The following TOP1 variants were observed in gnomAD, a reference collection of about 807,000 sequenced individuals.
TOP1 encodes the protein DNA topoisomerase I, also known as DNA topoisomerase 1.
In TOP1, 10 loss-of-function variants were observed where a neutral mutation model predicts 111.1. That is an observed-to-expected ratio of 0.09 (90% CI 0.06 to 0.15). The LOEUF (loss-of-function observed/expected upper bound fraction) is 0.15. TOP1 is among the 10% of genes least tolerant of loss of function. TOP1 has a pLI of 1.00. For synonymous variants in TOP1, 271 were observed against 302.9 expected (o/e 0.89, Z 1.10); for missense variants, 474 against 926.7 (o/e 0.51, Z 6.34).
In TOP1 at chr20:41,083,867, G is replaced by C. The variant is rs1025201546; in HGVS notation, c.508-595G>C. ...TGATGCCCGTTTATTGTGTCACTGTGATCAGCTCATTTACATTCAGAGTTC... is the reference window on the plus strand; with the variant it reads ...TGATGCCCGTTTATTGTGTCACTGTCATCAGCTCATTTACATTCAGAGTTC... On this transcript the variant is annotated intron_variant, in intron 7 of 20. Transcript: ENST00000361337. The surrounding 1 kb of genome is among the most constrained non-coding windows in gnomAD (Gnocchi z 7.2). Among the ~76,000 whole-genome samples, 3 of 152,212 alleles carry C rather than the reference G, an allele frequency of 2.0e-5. No individual in the cohort carries two copies. Among genetic ancestry groups the C allele is most frequent in the South Asian group, 4.1e-4 (2 of 4,830 alleles).
At chr20:41,070,457 T>C (rs2145931670) in intron 3 of TOP1, among the ~76,000 whole-genome samples, 1 of 152,376 alleles carries the variant, frequency 6.6e-6, no homozygotes, top group East Asian at 1.9e-4. Flanking sequence ...ATGATGGACA[T>C]TAAGGAACCC....
At chr20:41,072,357 A>T (rs1416146200) in intron 3 of TOP1, 1 of 985,310 alleles carries the variant, frequency 1.0e-6, no homozygotes, top group Non-Finnish European at 1.2e-6. Flanking sequence ...CCATCATTTC[A>T]CTGTTAATGA....
At chr20:41,068,833 C>T (rs1427707451) in intron 3 of TOP1, among the ~76,000 whole-genome samples, 1 of 152,166 alleles carries the variant, frequency 6.6e-6, no homozygotes, top group African/African-American at 2.4e-5. Context: ...AATAGTAGAT[C>T]TCTTGTATAA....
chr20:41,040,111 A>G (rs2033242521), intron 2 of TOP1, among the ~76,000 whole-genome samples: 1 of 152,254 alleles, frequency 6.6e-6, no homozygotes, highest in Admixed American at 6.5e-5. Flanking sequence ...ATCTTAGAGA[A>G]TAAACTCTAC....
rs118017931 is a variant in TOP1 at position 41,054,510 on chromosome 20, C to A, written c.59-6884C>A. ...CGTGAGAATGGACTAATACAGATAC[C>A]TAGATACCCATTATTATCTTTTGTG... On this transcript the variant is annotated intron_variant, in intron 2 of 20. Coordinates refer to ENST00000361337, the MANE Select transcript of TOP1 (RefSeq NM_003286.4). 6.9e-3 allele frequency among the ~76,000 whole-genome samples: 1,055 copies of A among 152,258 alleles called. 12 individuals are homozygous for A. Among genetic ancestry groups the A allele is most frequent in the East Asian group, 0.022 (114 of 5,174 alleles).
rs1282202123 is a variant in TOP1, at chr20:41,101,177, A to C, written c.1164-32A>C. ...AAGGTGAAATTATTCCTCACATCTT[A>C]TTTCACTATCCTCGTGCTCTGTTAT... On this transcript the variant is annotated intron_variant, in intron 12 of 20. Transcript: ENST00000361337. The surrounding 1 kb of genome is among the most constrained non-coding windows in gnomAD (Gnocchi z 4.1). 4 of 1,612,188 alleles carry C rather than the reference A, an allele frequency of 2.5e-6. No individual in the cohort carries two copies. The highest frequency in any genetic ancestry group is 3.3e-5 in the Admixed American group (2 of 59,916).
Position 41,097,332 on chromosome 20 carries a change from C to T in TOP1, c.843C>T (p.Asp281=). ...TATTTAGGAAAAATTTCTTTAAAGA[C>T]TGGAGAAAGGTACTGTAGCCCATGT... ...KEIFRKNFFK[D]WRKEMTNEEK... is the part of the protein sequence containing the mutation. Residue 281 remains aspartate, a synonymous_variant, in exon 10 of 21, where the codon GAC becomes GAT. Coordinates refer to ENST00000361337, the MANE Select transcript of TOP1 (RefSeq NM_003286.4). The surrounding 1 kb of genome is among the most constrained non-coding windows in gnomAD (Gnocchi z 4.2). 1 of 1,613,490 alleles carries T rather than the reference C, an allele frequency of 6.2e-7. No individual in the cohort carries two copies. The highest frequency in any genetic ancestry group is 8.5e-7 in the Non-Finnish European group (1 of 1,179,684).
chr20:41,085,683 G>A (rs1468303964), intron 8 of TOP1, among the ~76,000 whole-genome samples: 1 of 151,988 alleles, frequency 6.6e-6, no homozygotes, highest in African/African-American at 2.4e-5. Flanking sequence ...CAGCTTTGAG[G>A]TAATCACTGT....
rs1021257303 is a variant in TOP1, at chr20:41,029,853, C to G, written c.58+398C>G. 7.8e-6 allele frequency: 2 copies of G among 255,654 alleles called. No homozygotes were observed. The highest frequency in any genetic ancestry group is 4.6e-5 in the African/African-American group (2 of 43,574). The allele number at this position is 255,654 out of a possible 1,614,324, so 15.8% of individuals were successfully genotyped here. ...CCCTCGGCTCTTTCCTTGAGCTGCC[C>G]AGAATGAGCTTTCTGCAGAGCAAAG... On this transcript the variant is annotated intron_variant, in intron 2 of 20. Coordinates refer to ENST00000361337, the MANE Select transcript of TOP1 (RefSeq NM_003286.4). This position sits in a 1 kb window ranked among gnomAD's most constrained non-coding sequence, Gnocchi z 6.1.
chr20:41,084,695 A>G, intron 8 of TOP1, 127 bp downstream of exon 8: 1 of 590,152 alleles, frequency 1.7e-6, no homozygotes, highest in Admixed American at 3.3e-5. Flanking sequence ...ATTTCTCTAG[A>G]GTAACTTTCT....
Position 41,098,696 on chromosome 20 carries a change from C to G in TOP1, c.975+359C>G, listed in dbSNP as rs1216786782. On this transcript the variant is annotated intron_variant, in intron 11 of 20. Transcript: ENST00000361337. This position sits in a 1 kb window ranked among gnomAD's most constrained non-coding sequence, Gnocchi z 5.7. ...ATCATATTGGCCATGTACCTCCCTG[C>G]TCTTTGATCTATTTTACTCTGGAAT... The G allele has an allele frequency of 1.8e-5, 3 of 164,014 alleles. No homozygotes were observed. Among genetic ancestry groups the G allele is most frequent in the Non-Finnish European group, 4.0e-5 (3 of 75,642 alleles). 10.2% of individuals were successfully genotyped at this position (164,014 alleles called of 1,614,324 possible). A position where few individuals can be genotyped will look rare whatever the true frequency, so the allele number is the denominator to read the frequency against.
chr20:41,068,688 G>T (rs558353358), intron 3 of TOP1, among the ~76,000 whole-genome samples: 1 of 152,234 alleles, frequency 6.6e-6, no homozygotes, highest in Admixed American at 6.5e-5. Context: ...AGCCACCATG[G>T]CCGGCCCTCT....
intron 3 of TOP1, 100 bp from the exon 4 acceptor site, chr20:41,076,071 C>G: frequency 7.8e-7 from 1 of 1,282,242 alleles, no homozygotes; most frequent in Non-Finnish European, 1.1e-6. Flanking sequence ...TGTTTAAGTA[C>G]TGTAAGTTTC....
intron 2 of TOP1, among the ~76,000 whole-genome samples, chr20:41,052,017 A>C (rs994319762): frequency 2.0e-5 from 3 of 152,198 alleles, no homozygotes; most frequent in Non-Finnish European, 4.4e-5. Flanking sequence ...CTTTAAAATC[A>C]CTGAAATTTT....
Position 41,092,482 on chromosome 20 carries a change from G to A in TOP1, c.625G>A (p.Glu209Lys). Reference sequence around the variant, plus strand: ...CTTTGTCTTTTAAAGGTGGGAAGAAGAGCGCTATCCTGAAGGCATCAAGTG... The same window carrying A: ...CTTTGTCTTTTAAAGGTGGGAAGAAAAGCGCTATCCTGAAGGCATCAAGTG... Reference protein sequence around the residue: ...EEQKWKWWEEERYPEGIKWKF... With the variant: ...EEQKWKWWEEKRYPEGIKWKF... Residue 209 changes from glutamate (E) to lysine (K), a missense_variant, in exon 9 of 21, where the codon GAG becomes AAG. Around this residue, in one of 14 missense-constraint regions of TOP1, gnomAD observed 11 missense variants for 36.8 expected, o/e 0.30. Coordinates refer to ENST00000361337, the MANE Select transcript of TOP1 (RefSeq NM_003286.4). This position sits in a 1 kb window ranked among gnomAD's most constrained non-coding sequence, Gnocchi z 4.3. 1 of 1,571,400 alleles carries A rather than the reference G, an allele frequency of 6.4e-7. No homozygotes were observed. The highest frequency in any genetic ancestry group is 1.4e-5 in the African/African-American group (1 of 73,108).
chr20:41,072,599 T>G (rs1315046577), intron 3 of TOP1: 1 of 985,430 alleles, frequency 1.0e-6, no homozygotes, highest in Non-Finnish European at 1.2e-6. Context: ...TTCAGGCACA[T>G]TCCTAGGAAA....
intron 2 of TOP1, among the ~76,000 whole-genome samples, chr20:41,050,529 A>G (rs959543312): frequency 6.6e-6 from 1 of 152,212 alleles, no homozygotes; most frequent in African/African-American, 2.4e-5. Context: ...GTAGGCTACA[A>G]ATTGAAACCA....
Position 41,069,497 on chromosome 20 carries a change from C to G in TOP1, c.156-6674C>G, listed in dbSNP as rs1036413478. The stretch of plus-strand genomic sequence containing the variant: ...CATTTATAAGCTACGTGTCGTGATC[C>G]AAGGTGCTTAACTTCTCTGGGTCTC... On this transcript the variant is annotated intron_variant, in intron 3 of 20. Coordinates refer to ENST00000361337, the MANE Select transcript of TOP1 (RefSeq NM_003286.4). The surrounding 1 kb of genome is among the most constrained non-coding windows in gnomAD (Gnocchi z 4.1). Among the ~76,000 whole-genome samples, 3 of 152,160 alleles carry G rather than the reference C, an allele frequency of 2.0e-5. No individual in the cohort carries two copies. The highest frequency in any genetic ancestry group is 7.2e-5 in the African/African-American group (3 of 41,434).
At chr20:41,113,788 C>CA (rs1484580593) in intron 14 of TOP1, among the ~76,000 whole-genome samples, 182 bp from the exon 15 acceptor site, 4 of 147,954 alleles carry the variant, frequency 2.7e-5, no homozygotes, top group African/African-American at 1.0e-4. Context: ...GAGGCTGAGG[C>CA]AGGAGAATGG....
Sources: allele counts gnomAD v4.1 joint callset (sites outside exome capture counted in the v4.1 genomes callset), GRCh38; gene constraint gnomAD v4.1.1; regional missense constraint gnomAD v4.1.1; non-coding constraint Gnocchi (gnomAD v3.1); transcripts MANE v1.5; gene names NCBI Gene and HGNC (gene_info 2026-07-23, HGNC 2026-07-21).